ZNF536: variants seen among roughly 807,000 people sequenced by gnomAD.
ZNF536 encodes zinc finger protein 536.
ZNF536 carries 13 observed loss-of-function variants against 84.5 expected under a neutral mutation model. The ratio of observed to expected loss-of-function variants is 0.15; its 90% confidence interval spans 0.10 to 0.24. The LOEUF (loss-of-function observed/expected upper bound fraction) is 0.24. Among genes scored for constraint, ZNF536 ranks in the 10% least tolerant of loss-of-function variants. The pLI, the probability that ZNF536 is intolerant of heterozygous loss-of-function variation, is 1.00. For missense variants in ZNF536, 1,536 were observed against 1,747.5 expected (o/e 0.88, Z 2.16); for synonymous variants, 811 against 742.5 (o/e 1.09, Z -1.50).
chr19:30,708,766 T>A (rs925433080), intron 1 of ZNF536, among the ~76,000 whole-genome samples: 3 of 152,176 alleles, frequency 2.0e-5, no homozygotes, highest in Admixed American at 6.5e-5. Flanking sequence ...TGGGTGCAAT[T>A]CAGTGGGAAA....
At chr19:30,355,789 T>C (rs1278931980) in intron 3 of ZNF536, among the ~76,000 whole-genome samples, 1 of 152,184 alleles carries the variant, frequency 6.6e-6, no homozygotes. Flanking sequence ...CAGGCCCTAT[T>C]GTGAACTGCG....
rs537406976 is a variant in ZNF536, at chr19:30,682,061, G to A, written c.170-28696G>A. Among the ~76,000 whole-genome samples the A allele has an allele frequency of 1.5e-4, 23 of 152,298 alleles. 1 individual carries two copies. In the South Asian group the frequency reaches 4.8e-3, roughly 32 times the overall value. ...GTAGGGGGACAAGAGAAAGAGGCCT[G>A]TATTGCCTTTATGGCCCAGGAAGGA... is the stretch of plus-strand genomic sequence containing the variant. On this transcript the variant is annotated intron_variant, in intron 1 of 1. Coordinates refer to the ZNF536 transcript ENST00000592773.
chr19:30,487,427 G>C (rs2054343310), intron 2 of ZNF536, among the ~76,000 whole-genome samples: 1 of 152,082 alleles, frequency 6.6e-6, no homozygotes, highest in South Asian at 2.1e-4. Context: ...CGGGCCATGT[G>C]AAAAGCTGTG....
chr19:30,655,900 G>A (rs572314184), intron 1 of ZNF536, among the ~76,000 whole-genome samples: 36 of 152,178 alleles, frequency 2.4e-4, no homozygotes, highest in Middle Eastern at 3.4e-3. Flanking sequence ...TTAGCTGTGC[G>A]TAATGGTGCA....
intron 2 of ZNF536, among the ~76,000 whole-genome samples, chr19:30,514,864 C>T (rs1318959627): frequency 6.6e-6 from 1 of 152,066 alleles, no homozygotes; most frequent in African/African-American, 2.4e-5. Flanking sequence ...ACCTTGACTC[C>T]AGTCTGCTCT....
At chr19:30,452,239 G>A (rs965902182) in intron 2 of ZNF536, among the ~76,000 whole-genome samples, 1 of 152,214 alleles carries the variant, frequency 6.6e-6, no homozygotes, top group Non-Finnish European at 1.5e-5. Context: ...GCAGAGCTGG[G>A]GCAGCCTCTG....
At chr19:30,226,412 A>G (rs1406684413), upstream of ZNF536, among the ~76,000 whole-genome samples, 26 of 151,056 alleles carry the variant, frequency 1.7e-4, no homozygotes, top group Non-Finnish European at 7.4e-5. The surrounding 1 kb of genome is among the most constrained non-coding windows in gnomAD (Gnocchi z 4.6). Flanking sequence ...TTTTTTTTCA[A>G]TTAAAGTTAG....
intron 1 of ZNF536, among the ~76,000 whole-genome samples, chr19:30,663,281 T>C (rs2050191434): frequency 6.6e-6 from 1 of 152,140 alleles, no homozygotes; most frequent in South Asian, 2.1e-4. Flanking sequence ...GTGAAATAAT[T>C]TGTGTGATCT....
At chr19:30,543,120 C>T (rs2045398884) in intron 3 of ZNF536, among the ~76,000 whole-genome samples, 1 of 152,174 alleles carries the variant, frequency 6.6e-6, no homozygotes, top group Non-Finnish European at 1.5e-5. Context: ...CGAGACTTTT[C>T]TTGGAAAATC....
intron 1 of ZNF536, among the ~76,000 whole-genome samples, chr19:30,605,285 C>G: frequency 6.6e-6 from 1 of 152,060 alleles, no homozygotes; most frequent in East Asian, 1.9e-4. Flanking sequence ...CACCCATCAC[C>G]CAAGCAGAGT....
chr19:30,651,061 AT>A (rs2049683066), intron 1 of ZNF536, among the ~76,000 whole-genome samples: 1 of 152,222 alleles, frequency 6.6e-6, no homozygotes, highest in South Asian at 2.1e-4. Context: ...TCCAAAAGAC[AT>A]CTGTTTGCTG....
chr19:30,414,702 A>G (rs1225581154), intron 1 of ZNF536, among the ~76,000 whole-genome samples: 1 of 152,222 alleles, frequency 6.6e-6, no homozygotes, highest in Non-Finnish European at 1.5e-5. Flanking sequence ...CAGACATTGT[A>G]AAAACCATTA....
At chr19:30,534,083 T>C (rs1026300466) in intron 2 of ZNF536, among the ~76,000 whole-genome samples, 2 of 152,212 alleles carry the variant, frequency 1.3e-5, no homozygotes, top group African/African-American at 4.8e-5. Flanking sequence ...TTGGGTTACA[T>C]AACAAATAAC....
At chr19:30,534,690 G>T (rs993188071) in intron 2 of ZNF536, among the ~76,000 whole-genome samples, 157 bp from the exon 3 acceptor site, 28 of 152,220 alleles carry the variant, frequency 1.8e-4, no homozygotes, top group African/African-American at 6.5e-4. Flanking sequence ...AGAATAACAA[G>T]AAAATACATG....
In ZNF536 at chr19:30,402,796, AATAT is replaced by A. The variant is rs869301101; in HGVS notation, c.-3+30264_-3+30267del. 2.1e-3 allele frequency among the ~76,000 whole-genome samples: 177 copies of A among 85,590 alleles called. 3 individuals carry two copies. The highest frequency in any genetic ancestry group is 5.7e-3 in the African/African-American group (151 of 26,362). 56.2% of individuals were successfully genotyped at this position (85,590 alleles called of 152,430 possible). On this transcript the variant is annotated intron_variant, in intron 1 of 4. Coordinates refer to ENST00000355537, the MANE Select transcript of ZNF536 (RefSeq NM_014717.3). ...TTTTAAACATTTTTTAAAATTAAAA[AATAT>A]ATATATATATATATATATATATAAT...
At chr19:30,269,876 G>T (rs574840327) in intron 1 of ZNF536, among the ~76,000 whole-genome samples, 1 of 152,278 alleles carries the variant, frequency 6.6e-6, no homozygotes, top group African/African-American at 2.4e-5. Flanking sequence ...GCCAAAGGCA[G>T]TCCCGCTTCT....
At chr19:30,552,108 C>T (rs924120517) in intron 4 of ZNF536, among the ~76,000 whole-genome samples, 10 of 152,156 alleles carry the variant, frequency 6.6e-5, no homozygotes, top group African/African-American at 2.4e-4. Flanking sequence ...TTGTAAGCTT[C>T]AAACCCCCAC....
At chr19:30,373,195 T>TC (rs1235137384) in intron 1 of ZNF536, among the ~76,000 whole-genome samples, 1 of 152,098 alleles carries the variant, frequency 6.6e-6, no homozygotes, top group African/African-American at 2.4e-5. Context: ...GTGCTTTTCT[T>TC]CCCCCCGACC....
intron 1 of ZNF536, among the ~76,000 whole-genome samples, chr19:30,433,143 C>G (rs1287515607): frequency 6.6e-6 from 1 of 152,226 alleles, no homozygotes; most frequent in African/African-American, 2.4e-5. Flanking sequence ...ATGCTGATCC[C>G]TTGGGCACAT....
Sources: allele counts gnomAD v4.1 joint callset (sites outside exome capture counted in the v4.1 genomes callset), GRCh38; gene constraint gnomAD v4.1.1; non-coding constraint Gnocchi (gnomAD v3.1); transcripts MANE v1.5; gene names NCBI Gene and HGNC (gene_info 2026-07-23, HGNC 2026-07-21).